The following SEMA3A variants were observed in gnomAD, a reference collection of about 807,000 sequenced individuals.
The protein encoded by SEMA3A is semaphorin-3A.
A neutral mutation model predicts 97.9 loss-of-function variants in SEMA3A; 29 were observed. That is an observed-to-expected ratio of 0.30 (90% confidence interval 0.22 to 0.40). The LOEUF is 0.40. SEMA3A is among the 10% of genes least tolerant of loss of function. The pLI is 1.00. For synonymous variants in SEMA3A, 321 were observed against 323.7 expected, an observed-to-expected ratio of 0.99 and a Z score of 0.09; for missense variants, 763 against 951.3, an observed-to-expected ratio of 0.80 and a Z score of 2.60.
chr7:84,438,502 G>T (rs563264456), intron 1 of SEMA3A, among the ~76,000 whole-genome samples: 2 of 152,060 alleles, frequency 1.3e-5, no homozygotes, highest in Non-Finnish European at 2.9e-5. Flanking sequence ...TCTGTGAACC[G>T]TAATGAGCTA....
At chr7:84,084,881 T>C (rs948311714) in intron 4 of SEMA3A, among the ~76,000 whole-genome samples, 26 of 152,120 alleles carry the variant, frequency 1.7e-4, no homozygotes, top group African/African-American at 6.3e-4. Context: ...CTAGCTCTTG[T>C]TTATTTGAAG....
At chr7:84,249,295 G>T (rs1015943377) in intron 3 of SEMA3A, among the ~76,000 whole-genome samples, 1 of 151,998 alleles carries the variant, frequency 6.6e-6, no homozygotes, top group African/African-American at 2.4e-5. Context: ...TAGCAATTGA[G>T]ACCAAGATGG....
intron 1 of SEMA3A, among the ~76,000 whole-genome samples, chr7:84,174,027 G>T (rs1299966626): frequency 1.3e-5 from 2 of 152,058 alleles, no homozygotes; most frequent in African/African-American, 4.8e-5. Flanking sequence ...TAGCACTGAG[G>T]TGTGACTGCA....
intron 1 of SEMA3A, among the ~76,000 whole-genome samples, chr7:84,166,947 T>G (rs993298888): frequency 8.2e-6 from 1 of 121,890 alleles, no homozygotes. Context: ...TAATGGACAA[T>G]GTATTCTATA....
chr7:84,014,256 C>T lies in SEMA3A; in HGVS notation c.763G>A (p.Glu255Lys), dbSNP rs1208951919. ...GCGTGAGTAGCTTTTCCAGAGTGTT[C>T]TCCATCTATTGCATTTTCACGGAAG... The part of the protein sequence containing the change: ...FFFRENAIDG[E>K]HSGKATHARI... Residue 255 changes from glutamate to lysine, a missense_variant, in exon 7 of 17, where the codon GAA becomes AAA. By Grantham distance (56) the Glu-to-Lys change is moderately conservative. Coordinates refer to ENST00000265362, the MANE Select transcript of SEMA3A (RefSeq NM_006080.3). The T allele has an allele frequency of 1.2e-6, 2 of 1,613,438 alleles. No individual in the cohort carries two copies. The highest frequency in any genetic ancestry group is 1.3e-5 in the African/African-American group (1 of 74,966).
chr7:84,266,600 C>T (rs1433978406), intron 3 of SEMA3A, among the ~76,000 whole-genome samples: 8 of 151,952 alleles, frequency 5.3e-5, no homozygotes, highest in Admixed American at 2.0e-4. Flanking sequence ...AAATGGAAGG[C>T]CAAATATAAC....
chr7:84,462,065 T>C (rs1338289883), intron 1 of SEMA3A, among the ~76,000 whole-genome samples: 2 of 152,154 alleles, frequency 1.3e-5, no homozygotes, highest in Non-Finnish European at 2.9e-5. Flanking sequence ...TGATAGCCAA[T>C]ATATATTAAT....
chr7:84,454,452 G>C (rs969976548), intron 1 of SEMA3A, among the ~76,000 whole-genome samples: 2 of 152,066 alleles, frequency 1.3e-5, no homozygotes, highest in Non-Finnish European at 2.9e-5. Context: ...CCAGTTATTT[G>C]ACACTGGCAA....
intron 1 of SEMA3A, among the ~76,000 whole-genome samples, chr7:84,157,000 T>C (rs1796864856): frequency 1.3e-5 from 2 of 152,168 alleles, no homozygotes; most frequent in South Asian, 4.1e-4. Context: ...ATTTGTTTTG[T>C]CTTTAAATTC....
Position 84,421,108 on chromosome 7 carries a change from C to T in SEMA3A, c.-245-49208G>A, listed in dbSNP as rs189677742. Among the ~76,000 whole-genome samples, 279 of 151,466 alleles carry T rather than the reference C, an allele frequency of 1.8e-3. 1 individual carries two copies. The highest frequency in any genetic ancestry group is 6.3e-3 in the African/African-American group (259 of 41,266). ...TTTCGGTTTTAGATCTTTCTAAAAC[C>T]GAATTCTCTAGATGAGAATTTTGAA... On this transcript the variant is annotated intron_variant, in intron 1 of 3. Coordinates refer to the SEMA3A transcript ENST00000424555.
chr7:84,258,506 C>G (rs1344809707), intron 3 of SEMA3A, among the ~76,000 whole-genome samples: 2 of 152,076 alleles, frequency 1.3e-5, no homozygotes, highest in Non-Finnish European at 1.5e-5. Flanking sequence ...ATATTATGCT[C>G]TCATCCTTGT....
chr7:84,221,575 T>C (rs910209017), intron 3 of SEMA3A, among the ~76,000 whole-genome samples: 7 of 152,082 alleles, frequency 4.6e-5, no homozygotes, highest in African/African-American at 1.2e-4. Context: ...GAAGCCAATG[T>C]AGAATTATCA....
chr7:84,095,527 A>G (rs1794747883), intron 4 of SEMA3A, among the ~76,000 whole-genome samples: 1 of 151,028 alleles, frequency 6.6e-6, no homozygotes, highest in Non-Finnish European at 1.5e-5. Context: ...GGCTATAAAT[A>G]ACTTGGCTTA....
chr7:84,039,943 T>A (rs1049023539), intron 6 of SEMA3A, among the ~76,000 whole-genome samples: 34 of 152,028 alleles, frequency 2.2e-4, no homozygotes, highest in African/African-American at 7.5e-4. Flanking sequence ...TCCCTCTGTC[T>A]CAGTATTCAT....
chr7:84,023,700 G>GA (rs1001506671), intron 6 of SEMA3A, among the ~76,000 whole-genome samples: 5 of 152,104 alleles, frequency 3.3e-5, no homozygotes, highest in Admixed American at 3.3e-4. Flanking sequence ...CCTATGAAAG[G>GA]AAAAAACAAG....
At chr7:84,429,362 T>G (rs895691298) in intron 1 of SEMA3A, among the ~76,000 whole-genome samples, 9 of 151,266 alleles carry the variant, frequency 5.9e-5, no homozygotes, top group Non-Finnish European at 1.2e-4. Flanking sequence ...GTAACCATAG[T>G]GTGAACAAGG....
chr7:84,387,108 T>A (rs1447090681), intron 1 of SEMA3A, among the ~76,000 whole-genome samples: 2 of 152,126 alleles, frequency 1.3e-5, no homozygotes, highest in African/African-American at 2.4e-5. Context: ...CTACCAGACA[T>A]CTATTCTGTA....
At chr7:84,300,844 T>C (rs1390289666) in intron 3 of SEMA3A, among the ~76,000 whole-genome samples, 1 of 152,118 alleles carries the variant, frequency 6.6e-6, no homozygotes. Flanking sequence ...ACCTAATTGA[T>C]ATTTTTAAAG....
rs781108685 is a variant in SEMA3A at position 84,020,035 on chromosome 7, C to CTTTTTTTTTTTTTTTTT, written c.668-5701_668-5685dup. 8.6e-5 allele frequency among the ~76,000 whole-genome samples: 5 copies of CTTTTTTTTTTTTTTTTT among 58,252 alleles called. 1 individual carries two copies. The highest frequency in any genetic ancestry group is 1.6e-4 in the Non-Finnish European group (5 of 32,210). 38.2% of individuals were successfully genotyped at this position (58,252 alleles called of 152,430 possible). On this transcript the variant is annotated intron_variant, in intron 6 of 16. Transcript: ENST00000265362. The stretch of plus-strand genomic sequence containing the variant: ...AATATTGTTAATGATTTTTTTCTTT[C>CTTTTTTTTTTTTTTTTT]TTTTTTTTTTTTTTTTTTTTTTTTT...
Sources: allele counts gnomAD v4.1 joint callset (sites outside exome capture counted in the v4.1 genomes callset), GRCh38; gene constraint gnomAD v4.1.1; transcripts MANE v1.5; gene names NCBI Gene and HGNC (gene_info 2026-07-23, HGNC 2026-07-21).